DLL4: variants seen among roughly 807,000 people sequenced by gnomAD.
DLL4 encodes the protein delta like canonical Notch ligand 4.
A neutral mutation model predicts 73.6 loss-of-function variants in DLL4; 7 were observed. The ratio of observed to expected loss-of-function variants is 0.10; its 90% CI spans 0.05 to 0.18. DLL4 has a LOEUF of 0.18. Among genes scored for constraint, DLL4 ranks in the 10% least tolerant of loss-of-function variants. The probability of loss-of-function intolerance (pLI) is 1.00; values close to 1 mark genes in which losing one functional copy is unlikely to be tolerated. For synonymous variants in DLL4, 345 were observed against 374.3 expected (o/e 0.92, Z 0.90); for missense variants, 614 against 929.9 (o/e 0.66, Z 4.42).
rs1194918370 is a variant in DLL4 at position 40,929,836 on chromosome 15, C to T, written c.67-11C>T. 6.2e-7 allele frequency: 1 copy of T among 1,610,566 alleles called. No individual in the cohort carries two copies. ...GTCCCCTCCCTCCTTCCCTCGGTCC[C>T]TGTGCAATAGCGCGCGGCCGGCTCC... On this transcript the variant is annotated splice_polypyrimidine_tract_variant and intron_variant, in intron 1 of 10. Transcript: ENST00000249749. This position sits in a 1 kb window ranked among gnomAD's most constrained non-coding sequence, Gnocchi z 7.1.
chr15:40,932,148 C>G (rs1892779718), intron 4 of DLL4, 23 bp from the exon 5 acceptor site: 9 of 1,613,878 alleles, frequency 5.6e-6, no homozygotes, highest in Non-Finnish European at 6.8e-6. Context: ...CCAGCCTCAC[C>G]CAGCTCTGTG....
intron 6 of DLL4, among the ~76,000 whole-genome samples, chr15:40,934,241 G>T (rs111258544): frequency 1.3e-5 from 2 of 149,718 alleles, no homozygotes; most frequent in African/African-American, 2.5e-5. Flanking sequence ...TATGAGAATC[G>T]CTTGAACCCG....
chr15:40,930,899 G>A lies in DLL4; in HGVS notation c.394+217G>A. On this transcript the variant is annotated intron_variant, in intron 3 of 10. Transcript: ENST00000249749. The surrounding 1 kb of genome is among the most constrained non-coding windows in gnomAD (Gnocchi z 5.7). ...CGGGTTATTTTTGGCGTGGGAACGCGGGGAGTACGGCGGTGAGAAAGGCTG... is the reference window on the plus strand; with the variant it reads ...CGGGTTATTTTTGGCGTGGGAACGCAGGGAGTACGGCGGTGAGAAAGGCTG... The A allele has an allele frequency of 1.7e-6, 1 of 600,446 alleles. No individual in the cohort carries two copies. 37.2% of individuals were successfully genotyped at this position (600,446 alleles called of 1,614,324 possible).
rs1892760862 is a variant in DLL4, at chr15:40,930,919, AG to A, written c.394+239del. The A allele has an allele frequency of 1.7e-6, 1 of 585,388 alleles. No individual in the cohort carries two copies. 36.3% of individuals were successfully genotyped at this position (585,388 alleles called of 1,614,324 possible). On this transcript the variant is annotated intron_variant, in intron 3 of 10. Coordinates refer to ENST00000249749, the MANE Select transcript of DLL4 (RefSeq NM_019074.4). This position sits in a 1 kb window ranked among gnomAD's most constrained non-coding sequence, Gnocchi z 5.7. ...AACGCGGGGAGTACGGCGGTGAGAAAGGCTGAAGCTGCCAGCGCCGCTGACG... is the reference window on the plus strand; with the variant it reads ...AACGCGGGGAGTACGGCGGTGAGAAAGCTGAAGCTGCCAGCGCCGCTGACG...
In DLL4 at chr15:40,936,493, C is replaced by A. The variant is rs184386888; in HGVS notation, c.1506C>A (p.Asp502Glu). ...CCTGCTACACCGACCTCTCCACAGA[C>A]ACCTTTGTGTGCAACTGCCCTTATG... ...RATCYTDLST[D>E]TFVCNCPYGF... The change falls in exon 9 of 11, where the codon GAC (aspartate) becomes GAA (glutamate). Residue 502 changes from aspartate to glutamate, a missense_variant. Physicochemically the swap from Asp to Glu is conservative, Grantham distance 45. Transcript: ENST00000249749. 1 of 1,611,866 alleles carries A rather than the reference C, an allele frequency of 6.2e-7. No individual in the cohort carries two copies. The highest frequency in any genetic ancestry group is 1.1e-5 in the South Asian group (1 of 90,964).
chr15:40,936,033 A>G (rs1892839351), intron 8 of DLL4, among the ~76,000 whole-genome samples, 195 bp from the exon 9 acceptor site: 1 of 152,212 alleles, frequency 6.6e-6, no homozygotes, highest in Admixed American at 6.5e-5. Context: ...TCATTTTTAT[A>G]CATGAGCCCA....
Position 40,929,954 on chromosome 15 carries a change from C to T in DLL4, c.174C>T (p.Phe58=), listed in dbSNP as rs776456937. 16 of 1,613,124 alleles carry T rather than the reference C, an allele frequency of 9.9e-6. No homozygotes were observed. The highest frequency in any genetic ancestry group is 9.3e-6 in the Non-Finnish European group (11 of 1,179,844). ...RPCEPGCRTF[F]RVCLKHFQAV... ...GCGAGCCCGGCTGCCGGACTTTCTT[C>T]CGCGTCTGCCTTAAGCACTTCCAGG... The change falls in exon 2 of 11, where the codon TTC becomes TTT. Residue 58 remains phenylalanine (F), a synonymous_variant. Transcript: ENST00000249749. The surrounding 1 kb of genome is among the most constrained non-coding windows in gnomAD (Gnocchi z 7.1).
chr15:40,935,152 GC>G, intron 8 of DLL4, 35 bp downstream of exon 8: 1 of 1,585,538 alleles, frequency 6.3e-7, no homozygotes, highest in African/African-American at 1.3e-5. Context: ...TGGTGGACTG[GC>G]CCTGGGGCTG....
intron 3 of DLL4, 144 bp from the exon 4 acceptor site, chr15:40,931,359 G>C: frequency 9.8e-7 from 1 of 1,017,308 alleles, no homozygotes; most frequent in Admixed American, 2.3e-5. Context: ...GCCTGTTCTT[G>C]CTGGCAGGCG....
intron 3 of DLL4, 34 bp from the exon 4 acceptor site, chr15:40,931,469 G>T: frequency 6.3e-7 from 1 of 1,589,460 alleles, no homozygotes. Context: ...GGGGACTGGC[G>T]ACCCTTCCCT....
Position 40,932,173 on chromosome 15 carries a change from A to G in DLL4, c.661A>G (p.Ile221Val), listed in dbSNP as rs893964414. Residue 221 changes from isoleucine (I) to valine (V), a missense_variant and splice_region_variant, in exon 5 of 11, where the codon ATC (isoleucine) becomes GTC (valine). Physicochemically the swap from Ile to Val is conservative, Grantham distance 29 (BLOSUM62 3). Around this residue, in one of 3 missense-constraint regions of DLL4, gnomAD observed 227 missense variants for 370.8 expected, o/e 0.61. Coordinates refer to ENST00000249749, the MANE Select transcript of DLL4 (RefSeq NM_019074.4). The stretch of plus-strand genomic sequence containing the variant: ...CCAGCTCTGTGTTCTTCCCTTAGCT[A>G]TCTGTCTTTCGGGCTGTCATGAACA... ...GWTGEYCQQP[I>V]CLSGCHEQNG... 8.7e-6 allele frequency: 14 copies of G among 1,613,890 alleles called. No homozygotes were observed. Among genetic ancestry groups the G allele is most frequent in the Middle Eastern group, 1.6e-4 (1 of 6,084 alleles).
intron 6 of DLL4, among the ~76,000 whole-genome samples, 186 bp from the exon 7 acceptor site, chr15:40,934,362 G>GAGAA (rs1281783209): frequency 5.2e-4 from 79 of 151,518 alleles, no homozygotes; most frequent in Middle Eastern, 3.4e-3. Flanking sequence ...GAGAAAGAGA[G>GAGAA]AGAAAGAAAG....
At chr15:40,933,179 T>G (rs1225058869) in intron 6 of DLL4, among the ~76,000 whole-genome samples, 1 of 152,036 alleles carries the variant, frequency 6.6e-6, no homozygotes, top group Admixed American at 6.5e-5. Context: ...CAGGCCTGGG[T>G]AGGGTGGGCA....
In DLL4 at chr15:40,929,842, A is replaced by G. The variant is rs1892737706; in HGVS notation, c.67-5A>G. 9.9e-6 allele frequency: 16 copies of G among 1,610,800 alleles called. No homozygotes were observed. The highest frequency in any genetic ancestry group is 1.3e-5 in the Non-Finnish European group (15 of 1,179,448). On this transcript the variant is annotated splice_polypyrimidine_tract_variant and splice_region_variant and intron_variant, in intron 1 of 10. Coordinates refer to ENST00000249749, the MANE Select transcript of DLL4 (RefSeq NM_019074.4). This position sits in a 1 kb window ranked among gnomAD's most constrained non-coding sequence, Gnocchi z 7.1. Reference sequence around the variant, plus strand: ...TCCCTCCTTCCCTCGGTCCCTGTGCAATAGCGCGCGGCCGGCTCCGGCGTC... The same window carrying G: ...TCCCTCCTTCCCTCGGTCCCTGTGCGATAGCGCGCGGCCGGCTCCGGCGTC...
chr15:40,932,688 G>A (rs907505196), intron 6 of DLL4, among the ~76,000 whole-genome samples: 1 of 152,100 alleles, frequency 6.6e-6, no homozygotes, highest in African/African-American at 2.4e-5. Flanking sequence ...AACCCAGGGG[G>A]GTGACAAGGT....
In DLL4 at chr15:40,929,503, A is replaced by T; in HGVS notation, c.-166A>T. ...CCAGCCGTAGTCACCTGGATTACCT[A>T]CAGCGGCAGCTGCAGCGGAGCCAGC... On this transcript the variant is annotated 5_prime_UTR_variant, in exon 1 of 11. Coordinates refer to ENST00000249749, the MANE Select transcript of DLL4 (RefSeq NM_019074.4). This position sits in a 1 kb window ranked among gnomAD's most constrained non-coding sequence, Gnocchi z 7.1. 3.1e-6 allele frequency: 2 copies of T among 646,412 alleles called. No homozygotes were observed. The highest frequency in any genetic ancestry group is 5.1e-6 in the Non-Finnish European group (2 of 391,500). The allele number at this position is 646,412 out of a possible 1,614,324, so 40.0% of individuals were successfully genotyped here. A position where few individuals can be genotyped will look rare whatever the true frequency, so the allele number is the denominator to read the frequency against.
At position 40,937,042 on chromosome 15, in the gene DLL4, C is replaced by G. The variant is rs557438946; in HGVS notation, c.1943+112C>G. ...TAAGCAGCTGAGGTTTTGTTACTGA[C>G]AGGAAGATCCTCCAGTAGGATTTCT... On this transcript the variant is annotated intron_variant, in intron 9 of 10. Coordinates refer to ENST00000249749, the MANE Select transcript of DLL4 (RefSeq NM_019074.4). 4.6e-6 allele frequency: 4 copies of G among 860,634 alleles called. No individual in the cohort carries two copies. In the East Asian group the frequency reaches 1.1e-4, roughly 23 times the overall value. 53.3% of individuals were successfully genotyped at this position (860,634 alleles called of 1,614,324 possible).
In DLL4 at chr15:40,930,617, T is replaced by C; in HGVS notation, c.337-8T>C. On this transcript the variant is annotated splice_region_variant and splice_polypyrimidine_tract_variant and intron_variant, in intron 2 of 10. Coordinates refer to ENST00000249749, the MANE Select transcript of DLL4 (RefSeq NM_019074.4). This position sits in a 1 kb window ranked among gnomAD's most constrained non-coding sequence, Gnocchi z 5.7. Reference sequence around the variant, plus strand: ...GCCATCTCTCCGTCCCCCCACCCCCTTTCCCAGGGTACCTTCTCGCTCATC... The same window carrying C: ...GCCATCTCTCCGTCCCCCCACCCCCCTTCCCAGGGTACCTTCTCGCTCATC... The C allele has an allele frequency of 6.2e-7, 1 of 1,613,008 alleles. No individual in the cohort carries two copies. The highest frequency in any genetic ancestry group is 1.3e-5 in the African/African-American group (1 of 75,040).
chr15:40,935,132 C>T lies in DLL4; in HGVS notation c.1240+15C>T, dbSNP rs1892825307. Reference sequence around the variant, plus strand: ...CTGTGCCAACGGTGCGTGCTGCTGCCCTGCTAACCTGGTGGACTGGCCCTG... The same window carrying T: ...CTGTGCCAACGGTGCGTGCTGCTGCTCTGCTAACCTGGTGGACTGGCCCTG... On this transcript the variant is annotated intron_variant, in intron 8 of 10. Transcript: ENST00000249749. The T allele has an allele frequency of 1.1e-5, 17 of 1,604,432 alleles. No homozygotes were observed. The highest frequency in any genetic ancestry group is 1.4e-5 in the Non-Finnish European group (17 of 1,177,026).
Sources: allele counts gnomAD v4.1 joint callset (sites outside exome capture counted in the v4.1 genomes callset), GRCh38; gene constraint gnomAD v4.1.1; regional missense constraint gnomAD v4.1.1; non-coding constraint Gnocchi (gnomAD v3.1); transcripts MANE v1.5; gene names NCBI Gene and HGNC (gene_info 2026-07-23, HGNC 2026-07-21).